Variants in LEKR1 observed in about 807,000 individuals in gnomAD.
The protein encoded by LEKR1 is leucine, glutamate and lysine rich 1.
A neutral mutation model predicts 72.4 loss-of-function variants in LEKR1; 59 were observed. The observed-to-expected ratio is 0.82, with a 90% CI of 0.66 to 1.01. The LOEUF (loss-of-function observed/expected upper bound fraction) is 1.01. Among genes scored for constraint, LEKR1 ranks in the 50% least tolerant of loss-of-function variants. The pLI, the probability that LEKR1 is intolerant of heterozygous loss-of-function variation, is 0.00. For synonymous variants in LEKR1, 257 were observed against 263.2 expected (o/e 0.98, Z 0.23); for missense variants, 728 against 759.2 (o/e 0.96, Z 0.48).
chr3:156,976,275 C>T (rs1176906681), intron 6 of LEKR1, among the ~76,000 whole-genome samples: 1 of 152,112 alleles, frequency 6.6e-6, no homozygotes, highest in Non-Finnish European at 1.5e-5. Context: ...ATATCAAGTA[C>T]CAGTTCTTTG....
At chr3:156,990,920 A>G (rs537231487) in intron 7 of LEKR1, among the ~76,000 whole-genome samples, 1 of 152,272 alleles carries the variant, frequency 6.6e-6, no homozygotes, top group South Asian at 2.1e-4. Context: ...GAATCTGCTC[A>G]TGTGCTACTT....
intron 10 of LEKR1, among the ~76,000 whole-genome samples, chr3:157,018,214 T>G (rs1280397786): frequency 6.6e-6 from 1 of 152,124 alleles, no homozygotes; most frequent in East Asian, 1.9e-4. Context: ...AGATATCAAT[T>G]CCTTCTCTCA....
At chr3:156,970,433 G>A (rs1273259021) in intron 6 of LEKR1, among the ~76,000 whole-genome samples, 3 of 152,080 alleles carry the variant, frequency 2.0e-5, no homozygotes, top group African/African-American at 7.2e-5. Context: ...GTAATGCCTA[G>A]GTTTTCTTCT....
intron 2 of LEKR1, among the ~76,000 whole-genome samples, chr3:156,836,100 G>C (rs911273480): frequency 4.6e-5 from 7 of 151,782 alleles, no homozygotes; most frequent in African/African-American, 1.5e-4. Context: ...TTGAACTCCT[G>C]ACCTCAGGTG....
chr3:156,972,788 AAAT>A (rs1287020326), intron 6 of LEKR1, among the ~76,000 whole-genome samples: 1 of 151,606 alleles, frequency 6.6e-6, no homozygotes, highest in Non-Finnish European at 1.5e-5. Context: ...GTGAAAAATA[AAAT>A]AATTTAAAAT....
At chr3:156,850,760 A>C (rs1416533681) in intron 2 of LEKR1, among the ~76,000 whole-genome samples, 2 of 152,152 alleles carry the variant, frequency 1.3e-5, no homozygotes, top group Non-Finnish European at 1.5e-5. Flanking sequence ...AGCCATGGCT[A>C]GGGTAGATAG....
Position 157,023,535 on chromosome 3 carries a change from A to G in LEKR1, c.1204-1225A>G, listed in dbSNP as rs78591542. ...TCAGTAGTAGAGACTGAAGGGTCAG[A>G]GTGTGGAAGTACTCTCCACTGACTG... On this transcript the variant is annotated intron_variant, in intron 10 of 12. Coordinates refer to ENST00000356539, the MANE Select transcript of LEKR1 (RefSeq NM_001004316.3). Among the ~76,000 whole-genome samples the G allele has an allele frequency of 4.4e-3, 663 of 152,276 alleles. 2 individuals carry two copies. Among genetic ancestry groups the G allele is most frequent in the African/African-American group, 0.015 (638 of 41,556 alleles).
intron 10 of LEKR1, among the ~76,000 whole-genome samples, chr3:157,024,168 T>C (rs1347990554): frequency 6.6e-6 from 1 of 152,184 alleles, no homozygotes; most frequent in Non-Finnish European, 1.5e-5. Context: ...AAAACGCATA[T>C]TGCTTTCTCT....
At chr3:156,902,017 T>C (rs1369399717) in intron 3 of LEKR1, among the ~76,000 whole-genome samples, 1 of 152,094 alleles carries the variant, frequency 6.6e-6, no homozygotes, top group African/African-American at 2.4e-5. Flanking sequence ...CTGCCTTATT[T>C]CCGGAAGCTC....
intron 3 of LEKR1, among the ~76,000 whole-genome samples, chr3:156,875,586 C>T (rs1445772336): frequency 6.6e-6 from 1 of 152,112 alleles, no homozygotes; most frequent in Non-Finnish European, 1.5e-5. Flanking sequence ...GGTTCTTGGT[C>T]ATGAACTTAA....
At chr3:157,020,255 T>A (rs990901511) in intron 10 of LEKR1, among the ~76,000 whole-genome samples, 1 of 140,378 alleles carries the variant, frequency 7.1e-6, no homozygotes, top group African/African-American at 2.6e-5. Context: ...CTGATTTTCT[T>A]TTATTATTAT....
chr3:156,938,486 C>G lies in LEKR1; in HGVS notation c.560-4043C>G, dbSNP rs140306001. Among the ~76,000 whole-genome samples, 4 of 152,276 alleles carry G rather than the reference C, an allele frequency of 2.6e-5. No homozygotes were observed. In the East Asian group the frequency reaches 7.7e-4, roughly 29 times the overall value. On this transcript the variant is annotated intron_variant, in intron 5 of 12. Transcript: ENST00000356539. The stretch of plus-strand genomic sequence containing the variant: ...CTGCCTCCCAGATTCGAGCTATTCT[C>G]CTGCCTCAGCCTCCAAAGTAGCTGG...
chr3:157,016,182 C>T (rs866494880), intron 10 of LEKR1, among the ~76,000 whole-genome samples: 7 of 152,020 alleles, frequency 4.6e-5, no homozygotes, highest in African/African-American at 1.2e-4. Context: ...GAAATAATGA[C>T]GGAAAGTTTT....
chr3:156,968,832 A>G (rs939266980), intron 6 of LEKR1, among the ~76,000 whole-genome samples: 1 of 152,142 alleles, frequency 6.6e-6, no homozygotes, highest in Non-Finnish European at 1.5e-5. Flanking sequence ...CTTCTCAGTC[A>G]GCACCACACT....
At chr3:156,955,437 A>C (rs1727535918) in intron 6 of LEKR1, among the ~76,000 whole-genome samples, 1 of 152,062 alleles carries the variant, frequency 6.6e-6, no homozygotes, top group South Asian at 2.1e-4. Flanking sequence ...TTCCAGGGAA[A>C]TACTTCTAGC....
At chr3:156,881,732 A>G (rs1481514348) in intron 3 of LEKR1, among the ~76,000 whole-genome samples, 52 of 119,514 alleles carry the variant, frequency 4.4e-4, no homozygotes, top group African/African-American at 5.5e-4. Context: ...GAGGCATCAC[A>G]CTACCTGACT....
At chr3:156,888,176 G>T in intron 3 of LEKR1, 1 of 632,618 alleles carries the variant, frequency 1.6e-6, no homozygotes, top group South Asian at 1.8e-5. Flanking sequence ...GAGTAGGAGT[G>T]GGGAGAGGAT....
chr3:156,882,942 A>T (rs537283918), intron 3 of LEKR1, among the ~76,000 whole-genome samples: 2 of 152,114 alleles, frequency 1.3e-5, no homozygotes, highest in Non-Finnish European at 2.9e-5. Flanking sequence ...CATAGGTGGG[A>T]ATTGAACAAT....
chr3:156,894,959 G>A (rs189346065), intron 3 of LEKR1, among the ~76,000 whole-genome samples: 14 of 152,034 alleles, frequency 9.2e-5, no homozygotes, highest in East Asian at 5.8e-4. Flanking sequence ...AGGCAATACC[G>A]TTCAGGACAT....
Sources: allele counts gnomAD v4.1 joint callset (sites outside exome capture counted in the v4.1 genomes callset), GRCh38; gene constraint gnomAD v4.1.1; transcripts MANE v1.5; gene names NCBI Gene and HGNC (gene_info 2026-07-23, HGNC 2026-07-21).